Variants in MRC1 observed in about 807,000 individuals in gnomAD.
MRC1 encodes the protein macrophage mannose receptor 1.
In MRC1, 62 loss-of-function variants were observed where a neutral mutation model predicts 102.9. The ratio of observed to expected loss-of-function variants is 0.60; its 90% confidence interval spans 0.49 to 0.74. The LOEUF is 0.74. MRC1 is among the 30% of genes least tolerant of loss of function. MRC1 has a pLI of 0.00. For missense variants in MRC1, 1,237 were observed against 862.8 expected (o/e 1.43, Z -5.43); for synonymous variants, 457 against 298.4 (o/e 1.53, Z -5.48).
At chr10:17,833,368 A>G (rs1205452060) in intron 3 of MRC1, among the ~76,000 whole-genome samples, 1 of 151,980 alleles carries the variant, frequency 6.6e-6, no homozygotes, top group Non-Finnish European at 1.5e-5. Context: ...AAAAAGTTAA[A>G]AAGTTAGCCA....
chr10:17,818,010 T>C (rs1269263572), intron 1 of MRC1, among the ~76,000 whole-genome samples: 1 of 152,230 alleles, frequency 6.6e-6, no homozygotes, highest in African/African-American at 2.4e-5. Context: ...CATTTCCTTG[T>C]ATTGTCTGGC....
intron 3 of MRC1, among the ~76,000 whole-genome samples, chr10:17,831,693 C>G (rs976889633): frequency 1.3e-5 from 2 of 151,094 alleles, no homozygotes; most frequent in African/African-American, 4.9e-5. Context: ...TTTTTCCTTA[C>G]AAATAAATGA....
At chr10:17,868,457 C>T (rs1296968445) in intron 12 of MRC1, among the ~76,000 whole-genome samples, 2 of 152,172 alleles carry the variant, frequency 1.3e-5, no homozygotes, top group Admixed American at 6.5e-5. Context: ...GGGAAACTGC[C>T]TTCATGCTCC....
In MRC1 at chr10:17,881,127, G is replaced by A; in HGVS notation, c.2926G>A (p.Ala976Thr). ...ERKNWQEARKACIGFGGNLVS... is the reference protein window; with the variant it reads ...ERKNWQEARKTCIGFGGNLVS... ...AAAAAATTGGCAAGAGGCACGAAAA[G>A]CTTGTATAGGCTTTGGAGGGAATCT... Residue 976 changes from alanine (A) to threonine (T), a missense_variant, in exon 21 of 30, where the codon GCT becomes ACT. Ala to Thr is a moderately conservative substitution (Grantham distance 58). Transcript: ENST00000569591. 1.3e-6 allele frequency: 1 copy of A among 780,764 alleles called. No homozygotes were observed. The highest frequency in any genetic ancestry group is 1.3e-5 in the South Asian group (1 of 74,606). 48.4% of individuals were successfully genotyped at this position (780,764 alleles called of 1,614,324 possible).
chr10:17,857,951 C>G (rs1430518995), intron 9 of MRC1, among the ~76,000 whole-genome samples: 4 of 152,118 alleles, frequency 2.6e-5, no homozygotes, highest in African/African-American at 9.7e-5. Flanking sequence ...AATGTAAATC[C>G]TCATTATAAA....
intron 8 of MRC1, 56 bp downstream of exon 8, chr10:17,853,180 T>C: frequency 1.3e-6 from 1 of 777,656 alleles, no homozygotes; most frequent in East Asian, 2.4e-5. Context: ...GATTTTTCCT[T>C]CTGTCCCAGT....
chr10:17,908,909 T>C (rs2130727609), intron 28 of MRC1, among the ~76,000 whole-genome samples: 1 of 152,328 alleles, frequency 6.6e-6, no homozygotes, highest in Non-Finnish European at 1.5e-5. Context: ...CTTTTTAACA[T>C]CTTAGGCTTC....
chr10:17,908,377 C>T (rs923894509), intron 28 of MRC1, among the ~76,000 whole-genome samples: 2 of 152,020 alleles, frequency 1.3e-5, no homozygotes, highest in African/African-American at 4.8e-5. Context: ...TGGGTTCAAG[C>T]GATTCTCCTG....
intron 14 of MRC1, among the ~76,000 whole-genome samples, chr10:17,871,761 A>G (rs1833357986): frequency 6.6e-6 from 1 of 152,196 alleles, no homozygotes; most frequent in Non-Finnish European, 1.5e-5. Flanking sequence ...ATGTTATAAT[A>G]ATCAATTGTG....
chr10:17,816,546 G>T (rs996704347), intron 1 of MRC1, among the ~76,000 whole-genome samples: 1 of 152,144 alleles, frequency 6.6e-6, no homozygotes, highest in African/African-American at 2.4e-5. Context: ...CAGGGCATTC[G>T]TTTTCTGACC....
At chr10:17,872,800 A>G (rs1465529647) in intron 15 of MRC1, among the ~76,000 whole-genome samples, 2 of 152,216 alleles carry the variant, frequency 1.3e-5, no homozygotes, top group South Asian at 2.1e-4. Flanking sequence ...AGAAACCAAC[A>G]CACCAACAAG....
intron 7 of MRC1, among the ~76,000 whole-genome samples, chr10:17,852,087 C>CAA (rs1314483099): frequency 6.6e-6 from 1 of 152,042 alleles, no homozygotes; most frequent in African/African-American, 2.4e-5. Context: ...TTAATTTAGA[C>CAA]AAGTTTATTT....
At chr10:17,869,025 G>C (rs1465965278) in intron 12 of MRC1, among the ~76,000 whole-genome samples, 2 of 152,172 alleles carry the variant, frequency 1.3e-5, no homozygotes, top group East Asian at 3.9e-4. Context: ...ATTTATTGCA[G>C]TTTTCTGAGA....
rs1371616391 is a variant in MRC1, at chr10:17,861,403, A to T, written c.1535A>T (p.His512Leu). The change falls in exon 10 of 30, where the codon CAC becomes CTC. Residue 512 changes from histidine to leucine, a missense_variant. His to Leu is a moderately conservative substitution (Grantham distance 99, BLOSUM62 -3). Coordinates refer to ENST00000569591, the MANE Select transcript of MRC1 (RefSeq NM_002438.4). Reference protein sequence around the residue: ...KGCRKGWKKHHFYCYMIGHTL... With the variant: ...KGCRKGWKKHLFYCYMIGHTL... ...CATTAATAGGGCTGGAAAAAACATC[A>T]CTTTTACTGCTATATGATTGGACAT... The T allele has an allele frequency of 3.4e-6, 3 of 872,346 alleles. No homozygotes were observed. The African/African-American group carries it at 4.9e-5, about 14-fold the overall frequency. 54.0% of individuals were successfully genotyped at this position (872,346 alleles called of 1,614,324 possible). A position where few individuals can be genotyped will look rare whatever the true frequency, so the allele number is the denominator to read the frequency against.
In MRC1 at chr10:17,898,186, G is replaced by A. The variant is rs1833780974; in HGVS notation, c.3403G>A (p.Asp1135Asn). ...LHNSLIASILDPYSNAFAWLQ... is the reference protein window; with the variant it reads ...LHNSLIASILNPYSNAFAWLQ... ...CAATTCCCTTATAGCCAGCATTCTG[G>A]ATCCCTACAGTAATGCATTTGCGTG... Residue 1135 changes from aspartate to asparagine, a missense_variant, in exon 24 of 30, where the codon GAT (aspartate) becomes AAT (asparagine). Coordinates refer to ENST00000569591, the MANE Select transcript of MRC1 (RefSeq NM_002438.4). 2.6e-6 allele frequency: 2 copies of A among 780,682 alleles called. No individual in the cohort carries two copies. Among genetic ancestry groups the A allele is most frequent in the Admixed American group, 1.7e-5 (1 of 59,000 alleles). 48.4% of individuals were successfully genotyped at this position (780,682 alleles called of 1,614,324 possible).
chr10:17,827,413 A>AAAC, intron 2 of MRC1, 129 bp from the exon 3 acceptor site: 1 of 394,364 alleles, frequency 2.5e-6, no homozygotes, highest in Non-Finnish European at 4.8e-6. Context: ...AAAAAAAAGA[A>AAAC]ATCCCTCTGT....
intron 26 of MRC1, among the ~76,000 whole-genome samples, chr10:17,905,636 A>G (rs1833885019): frequency 6.6e-6 from 1 of 151,732 alleles, no homozygotes; most frequent in Non-Finnish European, 1.5e-5. Flanking sequence ...AGTCATAAAT[A>G]TTTTGAAACG....
At chr10:17,811,859 G>A (rs1344475796) in intron 1 of MRC1, among the ~76,000 whole-genome samples, 1 of 152,062 alleles carries the variant, frequency 6.6e-6, no homozygotes, top group Non-Finnish European at 1.5e-5. Flanking sequence ...AGTGCAGGAT[G>A]ATAGATGTGA....
chr10:17,830,977 C>T (rs1237004817), intron 3 of MRC1, among the ~76,000 whole-genome samples: 1 of 150,880 alleles, frequency 6.6e-6, no homozygotes, highest in African/African-American at 2.5e-5. Context: ...CAACCTCTGC[C>T]TCCCGGGTTC....
Sources: gnomAD v4.1 joint callset for allele counts (sites outside exome capture counted in the v4.1 genomes callset) on GRCh38, gnomAD v4.1.1 for gene constraint, MANE v1.5 for transcripts, NCBI Gene and HGNC (gene_info 2026-07-23, HGNC 2026-07-21) for gene names.